The following AGT variants were observed in gnomAD, a reference collection of about 807,000 sequenced individuals.
AGT encodes the protein angiotensinogen.
Under a neutral mutation model 28.1 loss-of-function variants are expected in AGT, and 26 were observed. That is an observed-to-expected ratio of 0.92 (90% CI 0.68 to 1.28). The LOEUF is 1.28. AGT is among the 50% of genes most tolerant of loss of function. The probability of loss-of-function intolerance (pLI) is 0.00; values close to 1 mark genes in which losing one functional copy is unlikely to be tolerated. For missense variants in AGT, 596 were observed against 592.3 expected, an observed-to-expected ratio of 1.01 and a Z score of -0.06; for synonymous variants, 259 against 259.6, an observed-to-expected ratio of 1.00 and a Z score of 0.02.
intron 1 of AGT, among the ~76,000 whole-genome samples, chr1:230,721,190 A>G (rs530993598): frequency 6.6e-6 from 1 of 152,178 alleles, no homozygotes; most frequent in Non-Finnish European, 1.5e-5. Context: ...GGCTTTTGGG[A>G]GAGCTTTCTC....
At chr1:230,728,373 T>C (rs1013413749) in intron 1 of AGT, among the ~76,000 whole-genome samples, 6 of 152,190 alleles carry the variant, frequency 3.9e-5, no homozygotes, top group Non-Finnish European at 7.3e-5. Context: ...TTTACAAAGA[T>C]GACTTAGTTT....
intron 3 of AGT, among the ~76,000 whole-genome samples, chr1:230,705,182 C>T (rs945501556): frequency 2.0e-5 from 3 of 152,096 alleles, no homozygotes; most frequent in African/African-American, 7.2e-5. Flanking sequence ...GGGGTGATGG[C>T]TGCACAACAG....
chr1:230,721,663 G>A (rs1663845703), intron 1 of AGT, among the ~76,000 whole-genome samples: 1 of 152,200 alleles, frequency 6.6e-6, no homozygotes, highest in Non-Finnish European at 1.5e-5. Context: ...AGTTCAGTCT[G>A]AAGTGGTCTC....
Position 230,704,277 on chromosome 1 carries a change from C to A in AGT, c.1158G>T (p.Leu386=). 1 of 1,614,234 alleles carries A rather than the reference C, an allele frequency of 6.2e-7. No homozygotes were observed. Among genetic ancestry groups the A allele is most frequent in the East Asian group, 2.2e-5 (1 of 44,886 alleles). The change falls in exon 4 of 5, where the codon CTG becomes CTT. Residue 386 remains leucine, a synonymous_variant. Coordinates refer to ENST00000366667, the MANE Select transcript of AGT (RefSeq NM_001384479.1). ...VLQGSYDLQD[L]LAQAELPAIL... ...TGGCGGGCAGCTCAGCCTGGGCGAG[C>A]AGGTCCTGCAGGTCATAAGATCCTT...
intron 2 of AGT, among the ~76,000 whole-genome samples, 162 bp from the exon 3 acceptor site, chr1:230,706,362 C>T (rs751896517): frequency 2.0e-5 from 3 of 152,158 alleles, no homozygotes; most frequent in Non-Finnish European, 2.9e-5. Context: ...CACAGGACCG[C>T]AAGTGTGGCT....
intron 1 of AGT, among the ~76,000 whole-genome samples, chr1:230,744,366 T>G (rs1664303042): frequency 6.6e-6 from 1 of 152,206 alleles, no homozygotes; most frequent in African/African-American, 2.4e-5. Context: ...TGGGCTGAGC[T>G]GGGAGCAGGA....
At chr1:230,707,519 G>T (rs151000815) in intron 2 of AGT, among the ~76,000 whole-genome samples, 1 of 152,274 alleles carries the variant, frequency 6.6e-6, no homozygotes, top group African/African-American at 2.4e-5. Flanking sequence ...CCTCCCCTGG[G>T]TCCGGGTCTC....
At chr1:230,728,557 G>A (rs778045989) in intron 1 of AGT, among the ~76,000 whole-genome samples, 1 of 152,154 alleles carries the variant, frequency 6.6e-6, no homozygotes, top group Non-Finnish European at 1.5e-5. Context: ...CGCTAAGGAG[G>A]TTTCAATATT....
At chr1:230,709,411 G>A (rs907121203) in intron 2 of AGT, among the ~76,000 whole-genome samples, 2 of 150,960 alleles carry the variant, frequency 1.3e-5, no homozygotes, top group South Asian at 2.1e-4. Flanking sequence ...TGCAGCCTGG[G>A]TGACAGAACA....
chr1:230,719,414 T>TTTTTGTTTGTTTTTGTTTTTTG (rs1274424329), upstream of AGT, among the ~76,000 whole-genome samples: 1 of 104,338 alleles, frequency 9.6e-6, no homozygotes, highest in African/African-American at 3.9e-5. Context: ...ATGTTTTTTT[T>TTTTTGTTTGTTTTTGTTTTTTG]TTTTTTTTTT....
chr1:230,740,859 G>C (rs1664235688), intron 1 of AGT, among the ~76,000 whole-genome samples: 1 of 152,194 alleles, frequency 6.6e-6, no homozygotes, highest in Admixed American at 6.5e-5. Flanking sequence ...TGAGGCAGGA[G>C]AATAGCTTGA....
At chr1:230,708,552 CAAG>C in intron 2 of AGT, among the ~76,000 whole-genome samples, 1 of 152,256 alleles carries the variant, frequency 6.6e-6, no homozygotes, top group South Asian at 2.1e-4. Context: ...GGAAAGACCT[CAAG>C]GAGGTTGTTG....
intron 1 of AGT, among the ~76,000 whole-genome samples, chr1:230,744,592 G>A (rs925994332): frequency 1.3e-5 from 2 of 152,132 alleles, no homozygotes; most frequent in South Asian, 2.1e-4. Flanking sequence ...AACCTTTTTG[G>A]TGTGTTTCCT....
chr1:230,734,487 T>A (rs538060806), intron 1 of AGT, among the ~76,000 whole-genome samples: 2 of 152,096 alleles, frequency 1.3e-5, no homozygotes, highest in Non-Finnish European at 2.9e-5. Flanking sequence ...TCCACAACAA[T>A]GCAAATATAC....
intron 1 of AGT, among the ~76,000 whole-genome samples, chr1:230,743,391 G>A (rs1664283160): frequency 6.6e-6 from 1 of 152,172 alleles, no homozygotes; most frequent in Non-Finnish European, 1.5e-5. Flanking sequence ...CTGAAGGCAG[G>A]ACGCCACCTT....
At chr1:230,742,898 C>G (rs907806677) in intron 1 of AGT, among the ~76,000 whole-genome samples, 4 of 152,204 alleles carry the variant, frequency 2.6e-5, no homozygotes, top group Non-Finnish European at 2.9e-5. Context: ...ACAGCTGGAT[C>G]AGAGTGGGTG....
rs768807990 is a variant in AGT, at chr1:230,710,298, G to C, written c.526C>G (p.Gln176Glu). ...LDAHKVLSAL[Q>E]AVQGLLVAQG... ...GCCACTAGCAGGCCCTGTACAGCCT[G>C]CAGGGCAGACAGGACCTTGTGCGCA... Residue 176 changes from glutamine to glutamate, a missense_variant, in exon 2 of 5, where the codon CAG (glutamine) becomes GAG (glutamate). Gln to Glu is a conservative substitution (Grantham distance 29). Transcript: ENST00000366667. The C allele has an allele frequency of 6.2e-7, 1 of 1,613,850 alleles. No individual in the cohort carries two copies. The highest frequency in any genetic ancestry group is 1.7e-5 in the Admixed American group (1 of 60,008).
rs1663537795 is a variant in AGT, at chr1:230,710,238, G to A, written c.586C>T (p.Leu196=). The change falls in exon 2 of 5, where the codon CTG becomes TTG. Residue 196 remains leucine (L), a synonymous_variant. Coordinates refer to ENST00000366667, the MANE Select transcript of AGT (RefSeq NM_001384479.1). ...GRADSQAQLL[L]STVVGVFTAP... is the part of the protein sequence containing the mutation. ...GTGAACACGCCCACCACCGTGGACA[G>A]CAGCAGCTGGGCCTGGCTATCAGCC... 3 of 1,613,508 alleles carry A rather than the reference G, an allele frequency of 1.9e-6. No individual in the cohort carries two copies. The highest frequency in any genetic ancestry group is 2.5e-6 in the Non-Finnish European group (3 of 1,179,962).
At chr1:230,715,819 AG>A (rs1274636280), upstream of AGT, among the ~76,000 whole-genome samples, 1 of 152,232 alleles carries the variant, frequency 6.6e-6, no homozygotes, top group African/African-American at 2.4e-5. Flanking sequence ...AGCATATGTC[AG>A]GGAACAAAAC....
Sources: allele counts gnomAD v4.1 joint callset (sites outside exome capture counted in the v4.1 genomes callset), GRCh38; gene constraint gnomAD v4.1.1; transcripts MANE v1.5; gene names NCBI Gene and HGNC (gene_info 2026-07-23, HGNC 2026-07-21).